KAZN: variants seen among roughly 807,000 people sequenced by gnomAD.
The protein encoded by KAZN is kazrin.
Under a neutral mutation model 87.4 loss-of-function variants are expected in KAZN, and 40 were observed. The ratio of observed to expected loss-of-function variants is 0.46; its 90% CI spans 0.36 to 0.60. The LOEUF (loss-of-function observed/expected upper bound fraction) is 0.60. Ranked by LOEUF, KAZN falls within the 20% of genes least tolerant of loss-of-function variation. The pLI is 0.00. For missense variants in KAZN, 898 were observed against 1,073.9 expected (o/e 0.84, Z 2.29); for synonymous variants, 466 against 458.3 (o/e 1.02, Z -0.22).
At chr1:14,633,715 T>A (rs772260212) in intron 1 of KAZN, among the ~76,000 whole-genome samples, 8 of 152,122 alleles carry the variant, frequency 5.3e-5, no homozygotes, top group Non-Finnish European at 1.2e-4. Flanking sequence ...ACTCTCAGAC[T>A]CACAGAACAT....
chr1:14,383,245 T>C (rs1169591918), intron 2 of KAZN, among the ~76,000 whole-genome samples: 2 of 150,396 alleles, frequency 1.3e-5, no homozygotes, highest in African/African-American at 4.9e-5. Flanking sequence ...GTTGTGAAAA[T>C]TTTCTCCCAT....
At chr1:14,415,665 G>A (rs1030284899) in intron 2 of KAZN, among the ~76,000 whole-genome samples, 1 of 152,194 alleles carries the variant, frequency 6.6e-6, no homozygotes, top group African/African-American at 2.4e-5. Context: ...GGATCATGCA[G>A]AGGCTTGTGC....
At chr1:14,391,761 T>C (rs569411125) in intron 2 of KAZN, among the ~76,000 whole-genome samples, 67 of 152,324 alleles carry the variant, frequency 4.4e-4, no homozygotes, top group African/African-American at 1.5e-3. Context: ...ATTCAGGCTT[T>C]TGTTTATTCT....
chr1:14,061,761 GA>G (rs1310201966), intron 1 of KAZN, among the ~76,000 whole-genome samples: 1 of 152,198 alleles, frequency 6.6e-6, no homozygotes, highest in Non-Finnish European at 1.5e-5. Context: ...TCTAAAGAAT[GA>G]GTAGATTGAA....
chr1:14,795,073 AC>A (rs1645790360), intron 1 of KAZN, among the ~76,000 whole-genome samples: 2 of 152,258 alleles, frequency 1.3e-5, no homozygotes, highest in South Asian at 4.1e-4. Context: ...TGAAGGCTGC[AC>A]TGTCAGCCTC....
At chr1:14,368,939 G>A (rs1660239920) in intron 2 of KAZN, among the ~76,000 whole-genome samples, 1 of 152,142 alleles carries the variant, frequency 6.6e-6, no homozygotes, top group Non-Finnish European at 1.5e-5. Context: ...CCTGTGTCAG[G>A]CAGGACCATT....
At chr1:13,902,119 C>T (rs1357645589) in intron 1 of KAZN, among the ~76,000 whole-genome samples, 2 of 152,218 alleles carry the variant, frequency 1.3e-5, no homozygotes, top group East Asian at 1.9e-4. Flanking sequence ...GATGGTGGCA[C>T]CACAAGGCAA....
At chr1:14,936,400 A>T (rs1176522642) in intron 1 of KAZN, among the ~76,000 whole-genome samples, 1 of 152,124 alleles carries the variant, frequency 6.6e-6, no homozygotes, top group Non-Finnish European at 1.5e-5. Flanking sequence ...GGGGCGACCA[A>T]ATTGTCCTGT....
chr1:13,893,618 G>C (rs990652358), exon 1 of KAZN: 1 of 1,546,698 alleles, frequency 6.5e-7, no homozygotes, highest in African/African-American at 1.4e-5. Context: ...GACACTCCAA[G>C]GGTCTGGACG....
intron 10 of KAZN, among the ~76,000 whole-genome samples, chr1:15,095,860 G>A (rs376114475): frequency 6.6e-6 from 1 of 152,110 alleles, no homozygotes; most frequent in East Asian, 1.9e-4. Flanking sequence ...CAGGAGAGGG[G>A]CCCTCGGCAT....
chr1:13,909,871 G>T (rs370649382), intron 1 of KAZN, among the ~76,000 whole-genome samples: 9 of 152,146 alleles, frequency 5.9e-5, no homozygotes, highest in Non-Finnish European at 8.8e-5. Context: ...CCTCTTCTTG[G>T]CTGGCTTCAG....
At chr1:13,914,996 G>A (rs1570265393) in intron 1 of KAZN, among the ~76,000 whole-genome samples, 2 of 152,288 alleles carry the variant, frequency 1.3e-5, no homozygotes, top group South Asian at 2.1e-4. Context: ...CATGACCCTC[G>A]GAATGGAGAC....
intron 2 of KAZN, among the ~76,000 whole-genome samples, chr1:15,032,176 ATTTCT>A (rs1474409451): frequency 9.1e-6 from 1 of 110,420 alleles, no homozygotes; most frequent in African/African-American, 3.6e-5. Flanking sequence ...CATTGTGGAC[ATTTCT>A]TTTTTTTTTT....
At chr1:15,012,924 A>C (rs926780551) in intron 2 of KAZN, among the ~76,000 whole-genome samples, 1 of 152,156 alleles carries the variant, frequency 6.6e-6, no homozygotes, top group Non-Finnish European at 1.5e-5. Flanking sequence ...TGTCTCAAAA[A>C]AAAGAAAAGA....
intron 1 of KAZN, among the ~76,000 whole-genome samples, chr1:14,120,759 C>A (rs898880141): frequency 4.6e-5 from 7 of 152,214 alleles, no homozygotes; most frequent in Non-Finnish European, 4.4e-5. Flanking sequence ...CCTTCTGCTG[C>A]TAACTGTGTC....
intron 2 of KAZN, among the ~76,000 whole-genome samples, chr1:14,988,086 G>A (rs868458061): frequency 3.9e-5 from 6 of 152,198 alleles, no homozygotes; most frequent in African/African-American, 1.4e-4. Flanking sequence ...CTGGCCTGGG[G>A]TGCAGGGTGG....
Position 15,115,433 on chromosome 1 carries a change from C to CA in KAZN, c.*798_*799insA, listed in dbSNP as rs1641810576. 1 of 152,190 alleles carries CA rather than the reference C, an allele frequency of 6.6e-6. No individual in the cohort carries two copies. Among genetic ancestry groups the CA allele is most frequent in the African/African-American group, 2.4e-5 (1 of 41,432 alleles). 9.4% of individuals were successfully genotyped at this position (152,190 alleles called of 1,614,324 possible). On this transcript the variant is annotated 3_prime_UTR_variant, in exon 15 of 15. Transcript: ENST00000376030. This position sits in a 1 kb window ranked among gnomAD's most constrained non-coding sequence, Gnocchi z 4.1. ...CAACAGGATCGGGGATGACCGACGG[C>CA]CCCATATGGTGAATCTCTGGCCTGT... is the stretch of plus-strand genomic sequence containing the variant.
chr1:13,951,976 A>T (rs16853255), intron 1 of KAZN, among the ~76,000 whole-genome samples: 8,774 of 152,200 alleles, frequency 0.058, 548 homozygotes, highest in East Asian at 0.32. Context: ...TCCCAGGGAA[A>T]TCTTGAACCA....
intron 1 of KAZN, among the ~76,000 whole-genome samples, chr1:14,046,748 G>A (rs936995466): frequency 2.0e-5 from 3 of 152,156 alleles, no homozygotes; most frequent in African/African-American, 7.2e-5. Context: ...TCAGGAAGAG[G>A]TTATGATCAG....
Sources: gnomAD v4.1 joint callset for allele counts (sites outside exome capture counted in the v4.1 genomes callset) on GRCh38, gnomAD v4.1.1 for gene constraint, Gnocchi (gnomAD v3.1) non-coding constraint, MANE v1.5 for transcripts, NCBI Gene and HGNC (gene_info 2026-07-23, HGNC 2026-07-21) for gene names.